NSUN6: variants seen among roughly 807,000 people sequenced by gnomAD.
NSUN6 encodes the protein tRNA (cytosine(72)-C(5))-methyltransferase NSUN6.
A neutral mutation model predicts 58.0 loss-of-function variants in NSUN6; 64 were observed. The observed-to-expected ratio is 1.10, with a 90% confidence interval of 0.90 to 1.36. The LOEUF is 1.36. NSUN6 is among the 40% of genes most tolerant of loss of function. NSUN6 has a pLI of 0.00. For missense variants in NSUN6, 701 were observed against 550.1 expected, an observed-to-expected ratio of 1.27 and a Z score of -2.74; for synonymous variants, 231 against 193.9, an observed-to-expected ratio of 1.19 and a Z score of -1.59.
chr10:18,653,284 T>C (rs148025783), upstream of NSUN6: 1 of 981,810 alleles, frequency 1.0e-6, no homozygotes, highest in Non-Finnish European at 1.2e-6. Flanking sequence ...GATGAACATC[T>C]CTATAAACTA....
chr10:18,561,875 T>A (rs928544019), intron 8 of NSUN6, among the ~76,000 whole-genome samples: 12 of 145,404 alleles, frequency 8.3e-5, no homozygotes, highest in African/African-American at 2.6e-4. Flanking sequence ...GAATGGAGAA[T>A]GGAATGGAAT....
chr10:18,654,165 G>A (rs1470175904), upstream of NSUN6, among the ~76,000 whole-genome samples: 4 of 152,004 alleles, frequency 2.6e-5, no homozygotes, highest in Non-Finnish European at 4.4e-5. Flanking sequence ...GCATGATCTC[G>A]GCTCACTGCA....
intron 3 of NSUN6, among the ~76,000 whole-genome samples, chr10:18,640,872 AC>A (rs956410476): frequency 3.3e-5 from 5 of 151,838 alleles, no homozygotes; most frequent in African/African-American, 1.2e-4. Flanking sequence ...AAAAAAAAAA[AC>A]AAAAATATTA....
At chr10:18,549,562 C>T (rs2054481932) in intron 9 of NSUN6, among the ~76,000 whole-genome samples, 1 of 152,000 alleles carries the variant, frequency 6.6e-6, no homozygotes, top group Admixed American at 6.6e-5. Context: ...GAATGGAAAC[C>T]TCGTGAATAA....
At chr10:18,553,719 GGAGAATGGA>G (rs2054772936) in intron 8 of NSUN6, among the ~76,000 whole-genome samples, 1 of 71,828 alleles carries the variant, frequency 1.4e-5, no homozygotes, top group Non-Finnish European at 3.7e-5. Context: ...TGTAACAAAT[GGAGAATGGA>G]ATGGAGAATG....
Position 18,586,858 on chromosome 10 carries a change from G to A in NSUN6, c.778-765C>T, listed in dbSNP as rs140680786. On this transcript the variant is annotated intron_variant, in intron 7 of 10. Transcript: ENST00000377304. ...CCTGCCTATTGGTCCATTTTACAGA[G>A]CGCTGATTGGTCCATTTTACACAGT... Among the ~76,000 whole-genome samples, 654 of 152,250 alleles carry A rather than the reference G, an allele frequency of 4.3e-3. 20 individuals are homozygous for A. The highest frequency in any genetic ancestry group is 0.028 in the Admixed American group (427 of 15,292).
chr10:18,627,089 A>C (rs375847050), intron 3 of NSUN6, among the ~76,000 whole-genome samples: 3 of 152,324 alleles, frequency 2.0e-5, no homozygotes, highest in East Asian at 1.9e-4. Flanking sequence ...TCTGGCATTC[A>C]GTTTTCTCCT....
chr10:18,549,303 G>A (rs1222783747), intron 9 of NSUN6, among the ~76,000 whole-genome samples: 2 of 152,134 alleles, frequency 1.3e-5, no homozygotes, highest in Non-Finnish European at 2.9e-5. Flanking sequence ...GCCTCCTGCT[G>A]TTTCTGGAAC....
At chr10:18,652,568 T>TA, upstream of NSUN6, 3 of 930,860 alleles carry the variant, frequency 3.2e-6, no homozygotes, top group Non-Finnish European at 3.8e-6. Context: ...TTTTCTCTGC[T>TA]CTTTTTTTTT....
chr10:18,561,141 T>C (rs2055472318), intron 8 of NSUN6, among the ~76,000 whole-genome samples: 1 of 104,728 alleles, frequency 9.5e-6, no homozygotes, highest in South Asian at 3.9e-4. Flanking sequence ...GAGAATGGAA[T>C]GTAGAATAGA....
Position 18,549,163 on chromosome 10 carries a change from T to C in NSUN6, c.1072-926A>G, listed in dbSNP as rs183385050. Among the ~76,000 whole-genome samples, 19 of 152,268 alleles carry C rather than the reference T, an allele frequency of 1.2e-4. No individual in the cohort carries two copies. In the East Asian group the frequency reaches 3.3e-3, roughly 26 times the overall value. ...ATCACTTACAGTCAAAGTCCTTACA[T>C]GATCACTTAGAGTCAAAGACAAAGT... On this transcript the variant is annotated intron_variant, in intron 9 of 10. Transcript: ENST00000377304.
chr10:18,593,278 C>G (rs1256249874), intron 7 of NSUN6, among the ~76,000 whole-genome samples: 1 of 152,186 alleles, frequency 6.6e-6, no homozygotes, highest in Non-Finnish European at 1.5e-5. Context: ...ATTAGTTCAA[C>G]CGCTGTGGAA....
At chr10:18,589,829 A>T (rs1020654511) in intron 7 of NSUN6, among the ~76,000 whole-genome samples, 1 of 152,184 alleles carries the variant, frequency 6.6e-6, no homozygotes, top group African/African-American at 2.4e-5. Flanking sequence ...GACCAACGAC[A>T]CTATGAAGAA....
intron 8 of NSUN6, among the ~76,000 whole-genome samples, chr10:18,567,788 T>A (rs145877824): frequency 6.0e-5 from 9 of 151,216 alleles, no homozygotes; most frequent in African/African-American, 2.2e-4. Context: ...TTCCATTGCA[T>A]TCTACATTCT....
intron 6 of NSUN6, among the ~76,000 whole-genome samples, chr10:18,602,899 A>T (rs2057902762): frequency 6.6e-6 from 1 of 152,220 alleles, no homozygotes; most frequent in African/African-American, 2.4e-5. Flanking sequence ...GGTAAGTCAA[A>T]GTTATTTATG....
intron 3 of NSUN6, among the ~76,000 whole-genome samples, chr10:18,626,640 C>A (rs547393786): frequency 3.9e-5 from 6 of 152,244 alleles, no homozygotes; most frequent in African/African-American, 1.4e-4. Context: ...TGATGCCAGA[C>A]GCCTGTAATT....
At chr10:18,613,050 G>A (rs753357373) in intron 5 of NSUN6, among the ~76,000 whole-genome samples, 1 of 152,162 alleles carries the variant, frequency 6.6e-6, no homozygotes, top group Non-Finnish European at 1.5e-5. Flanking sequence ...TCCACCGGAA[G>A]AGACAAAACT....
chr10:18,559,501 T>C (rs565432880), intron 8 of NSUN6, among the ~76,000 whole-genome samples: 2 of 145,810 alleles, frequency 1.4e-5, no homozygotes, highest in East Asian at 2.1e-4. Flanking sequence ...TGGAATGGAA[T>C]GGAGAGTAGA....
intron 8 of NSUN6, among the ~76,000 whole-genome samples, chr10:18,585,039 A>G (rs996316897): frequency 6.6e-6 from 1 of 152,002 alleles, no homozygotes; most frequent in African/African-American, 2.4e-5. Context: ...AGACATACAA[A>G]TAGCCAACAA....
Sources: gnomAD v4.1 joint callset for allele counts (sites outside exome capture counted in the v4.1 genomes callset) on GRCh38, gnomAD v4.1.1 for gene constraint, MANE v1.5 for transcripts, NCBI Gene and HGNC (gene_info 2026-07-23, HGNC 2026-07-21) for gene names.